GABBR1: variants seen among roughly 807,000 people sequenced by gnomAD.
The protein encoded by GABBR1 is gamma-aminobutyric acid type B receptor subunit 1.
GABBR1 carries 35 observed loss-of-function variants against 117.7 expected under a neutral mutation model. The ratio of observed to expected loss-of-function variants is 0.30; its 90% confidence interval spans 0.23 to 0.39. GABBR1 has a LOEUF of 0.39. Ranked by LOEUF, GABBR1 falls within the 10% of genes least tolerant of loss-of-function variation. GABBR1 has a pLI of 1.00. For synonymous variants in GABBR1, 442 were observed against 486.6 expected, an observed-to-expected ratio of 0.91 and a Z score of 1.21; for missense variants, 709 against 1,241.8, an observed-to-expected ratio of 0.57 and a Z score of 6.45.
rs1322490235 is a variant in GABBR1 at position 29,622,017 on chromosome 6, C to T, written c.1065+87G>A. The T allele has an allele frequency of 1.8e-5, 22 of 1,244,042 alleles. No individual in the cohort carries two copies. The highest frequency in any genetic ancestry group is 2.5e-5 in the Non-Finnish European group (21 of 854,830). 77.1% of individuals were successfully genotyped at this position (1,244,042 alleles called of 1,614,324 possible). A position where few individuals can be genotyped will look rare whatever the true frequency, so the allele number is the denominator to read the frequency against. ...TATTGCCTCAGAGAATCAAAACCTG[C>T]CCCCGCCTGGCTTTCCTCTCCAACC... On this transcript the variant is annotated intron_variant, in intron 9 of 22. Coordinates refer to ENST00000377034, the MANE Select transcript of GABBR1 (RefSeq NM_001470.4). The surrounding 1 kb of genome is among the most constrained non-coding windows in gnomAD (Gnocchi z 4.6).
chr6:29,626,003 T>C (rs1764229573), intron 6 of GABBR1, among the ~76,000 whole-genome samples: 1 of 152,138 alleles, frequency 6.6e-6, no homozygotes, highest in Non-Finnish European at 1.5e-5. Context: ...AGCTCAGGAA[T>C]CCACCAAGAT....
At position 29,613,084 on chromosome 6, in the gene GABBR1, G is replaced by T. The variant is rs2127409661; in HGVS notation, c.1566+159C>A. ...ATTTTTTTTCCTCTAGTCTTTGATG[G>T]GTTCTTCTAATTTGAAGGTCCCTAC... On this transcript the variant is annotated intron_variant, in intron 12 of 22. Transcript: ENST00000377034. This position sits in a 1 kb window ranked among gnomAD's most constrained non-coding sequence, Gnocchi z 4.1. Among the ~76,000 whole-genome samples, 1 of 152,188 alleles carries T rather than the reference G, an allele frequency of 6.6e-6. No individual in the cohort carries two copies. Among genetic ancestry groups the T allele is most frequent in the South Asian group, 2.1e-4 (1 of 4,820 alleles).
chr6:29,621,905 T>C lies in GABBR1; in HGVS notation c.1066-88A>G. On this transcript the variant is annotated intron_variant, in intron 9 of 22. Coordinates refer to ENST00000377034, the MANE Select transcript of GABBR1 (RefSeq NM_001470.4). The surrounding 1 kb of genome is among the most constrained non-coding windows in gnomAD (Gnocchi z 5.0). ...ATGTCTTCACAGCTTTGATTTCCCA[T>C]CCCAAAGTGCTTAGTGCAGGGTAAC... 2 of 1,377,380 alleles carry C rather than the reference T, an allele frequency of 1.5e-6. No individual in the cohort carries two copies. Among genetic ancestry groups the C allele is most frequent in the Non-Finnish European group, 2.1e-6 (2 of 971,000 alleles). The allele number at this position is 1,377,380 out of a possible 1,614,324, so 85.3% of individuals were successfully genotyped here. A position where few individuals can be genotyped will look rare whatever the true frequency, so the allele number is the denominator to read the frequency against.
rs879617184 is a variant in GABBR1 at position 29,623,777 on chromosome 6, T to C, written c.792+113A>G. ...CAGGTCTGCAGAGGACTCTGAATCT[T>C]AGTAGCAGGTCCTCCACACTCCTTT... is the stretch of plus-strand genomic sequence containing the variant. On this transcript the variant is annotated intron_variant, in intron 7 of 22. Transcript: ENST00000377034. This position sits in a 1 kb window ranked among gnomAD's most constrained non-coding sequence, Gnocchi z 6.2. The C allele has an allele frequency of 3.2e-5, 41 of 1,274,810 alleles. No homozygotes were observed. Among genetic ancestry groups the C allele is most frequent in the Non-Finnish European group, 4.4e-5 (40 of 918,410 alleles). The allele number at this position is 1,274,810 out of a possible 1,614,324, so 79.0% of individuals were successfully genotyped here.
In GABBR1 at chr6:29,632,137, A is replaced by G. The variant is rs1049424874; in HGVS notation, c.85+164T>C. Among the ~76,000 whole-genome samples, 1 of 152,054 alleles carries G rather than the reference A, an allele frequency of 6.6e-6. No individual in the cohort carries two copies. The highest frequency in any genetic ancestry group is 1.5e-5 in the Non-Finnish European group (1 of 68,012). The stretch of plus-strand genomic sequence containing the variant: ...AGGTGCTGGATAGTAACGTGGGGTG[A>G]CAGAAGGAGGTCAGCAGTAGTAAAG... On this transcript the variant is annotated intron_variant, in intron 2 of 22. Transcript: ENST00000377034. This position sits in a 1 kb window ranked among gnomAD's most constrained non-coding sequence, Gnocchi z 5.8.
Position 29,627,687 on chromosome 6 carries a change from G to A in GABBR1, c.497-41C>T, listed in dbSNP as rs1764452234. 10 of 1,533,646 alleles carry A rather than the reference G, an allele frequency of 6.5e-6. No homozygotes were observed. Among genetic ancestry groups the A allele is most frequent in the Non-Finnish European group, 8.7e-6 (10 of 1,145,130 alleles). On this transcript the variant is annotated intron_variant, in intron 5 of 22. Coordinates refer to ENST00000377034, the MANE Select transcript of GABBR1 (RefSeq NM_001470.4). The surrounding 1 kb of genome is among the most constrained non-coding windows in gnomAD (Gnocchi z 4.4). ...GGGGGACCCGCGAGTGAGGCCGCGG[G>A]AGATGGGGGGAGTGGGAGGCCCACA...
At chr6:29,624,507 C>T (rs1443321927) in intron 6 of GABBR1, among the ~76,000 whole-genome samples, 1 of 152,096 alleles carries the variant, frequency 6.6e-6, no homozygotes, top group Non-Finnish European at 1.5e-5. Context: ...CCATTTGTTT[C>T]CTCCCTCTTC....
rs1762779706 is a variant in GABBR1, at chr6:29,613,624, T to C, written c.1324-139A>G. 8 of 1,104,966 alleles carry C rather than the reference T, an allele frequency of 7.2e-6. No homozygotes were observed. Among genetic ancestry groups the C allele is most frequent in the African/African-American group, 1.6e-5 (1 of 63,938 alleles). 68.4% of individuals were successfully genotyped at this position (1,104,966 alleles called of 1,614,324 possible). A position where few individuals can be genotyped will look rare whatever the true frequency, so the allele number is the denominator to read the frequency against. On this transcript the variant is annotated intron_variant, in intron 11 of 22. Transcript: ENST00000377034. This position sits in a 1 kb window ranked among gnomAD's most constrained non-coding sequence, Gnocchi z 4.1. ...GTTGTCAGATTGGACACATGTACATTCAAAATCTTTAACTATACCCATGTG... is the reference window on the plus strand; with the variant it reads ...GTTGTCAGATTGGACACATGTACATCCAAAATCTTTAACTATACCCATGTG...
Position 29,606,872 on chromosome 6 carries a change from C to T in GABBR1, c.2217+25G>A. 1 of 1,597,396 alleles carries T rather than the reference C, an allele frequency of 6.3e-7. No homozygotes were observed. The highest frequency in any genetic ancestry group is 8.6e-7 in the Non-Finnish European group (1 of 1,164,984). Reference sequence around the variant, plus strand: ...ACTGAGCCCTGCTCATTCTCCTGACCATAGCACCTCCTCTCCAGTGGTACC... The same window carrying T: ...ACTGAGCCCTGCTCATTCTCCTGACTATAGCACCTCCTCTCCAGTGGTACC... On this transcript the variant is annotated intron_variant, in intron 18 of 22. Transcript: ENST00000377034. The surrounding 1 kb of genome is among the most constrained non-coding windows in gnomAD (Gnocchi z 4.5).
chr6:29,632,325 G>C lies in GABBR1; in HGVS notation c.61C>G (p.Gln21Glu). The change falls in exon 2 of 23, where the codon CAG (glutamine) becomes GAG (glutamate). Residue 21 changes from glutamine to glutamate, a missense_variant. Around this residue, in one of 9 missense-constraint regions of GABBR1, gnomAD observed 43 missense variants for 42.8 expected, o/e 1.00. Transcript: ENST00000377034. This position sits in a 1 kb window ranked among gnomAD's most constrained non-coding sequence, Gnocchi z 5.8. Reference protein sequence around the residue: ...FLRPPGAGGAQTPNATSEGCQ... With the variant: ...FLRPPGAGGAETPNATSEGCQ... ...CCTTCTGAGGTGGCGTTGGGGGTCTGCGCCCCGCCCGCGCCCGGGGGGCGG... is the reference window on the plus strand; with the variant it reads ...CCTTCTGAGGTGGCGTTGGGGGTCTCCGCCCCGCCCGCGCCCGGGGGGCGG... The C allele has an allele frequency of 7.3e-7, 1 of 1,375,320 alleles. No homozygotes were observed. Among genetic ancestry groups the C allele is most frequent in the South Asian group, 1.8e-5 (1 of 55,752 alleles). The allele number at this position is 1,375,320 out of a possible 1,614,324, so 85.2% of individuals were successfully genotyped here. A position where few individuals can be genotyped will look rare whatever the true frequency, so the allele number is the denominator to read the frequency against.
At chr6:29,629,431 C>A (rs575551619) in intron 4 of GABBR1, among the ~76,000 whole-genome samples, 1 of 152,150 alleles carries the variant, frequency 6.6e-6, no homozygotes, top group Non-Finnish European at 1.5e-5. Flanking sequence ...ATTACACATA[C>A]AATTGGCTTT....
In GABBR1 at chr6:29,617,549, C is replaced by A. The variant is rs371270679; in HGVS notation, c.1323+3552G>T. 3.7e-4 allele frequency among the ~76,000 whole-genome samples: 57 copies of A among 152,302 alleles called. No homozygotes were observed. In the South Asian group the frequency reaches 7.0e-3, roughly 19 times the overall value. On this transcript the variant is annotated intron_variant, in intron 11 of 22. Transcript: ENST00000377034. ...ACTCCTGGCCTTGTGATCCACCTGC[C>A]TCAGCCTCCCAAAGTGCTGGGATTA...
rs1009297571 is a variant in GABBR1 at position 29,609,967 on chromosome 6, CA to C, written c.1709-589del. 2.2e-5 allele frequency among the ~76,000 whole-genome samples: 3 copies of C among 137,928 alleles called. No individual in the cohort carries two copies. The highest frequency in any genetic ancestry group is 2.3e-4 in the South Asian group (1 of 4,400). 90.5% of individuals were successfully genotyped at this position (137,928 alleles called of 152,430 possible). A position where few individuals can be genotyped will look rare whatever the true frequency, so the allele number is the denominator to read the frequency against. On this transcript the variant is annotated intron_variant, in intron 14 of 22. Coordinates refer to ENST00000377034, the MANE Select transcript of GABBR1 (RefSeq NM_001470.4). This position sits in a 1 kb window ranked among gnomAD's most constrained non-coding sequence, Gnocchi z 4.3. ...GAAGTTCAAATTTGTCAGAGTTCACCAAAAAAAACTAATTTCAATTTGCTTA... is the reference window on the plus strand; with the variant it reads ...GAAGTTCAAATTTGTCAGAGTTCACCAAAAAAACTAATTTCAATTTGCTTA...
chr6:29,629,146 A>G, intron 4 of GABBR1, 39 bp from the exon 5 acceptor site: 1 of 1,612,236 alleles, frequency 6.2e-7, no homozygotes, highest in Non-Finnish European at 8.5e-7. Flanking sequence ...AAGAGTTACC[A>G]CTGGCGCCCA....
intron 6 of GABBR1, among the ~76,000 whole-genome samples, chr6:29,626,895 A>C (rs1032124190): frequency 6.6e-6 from 1 of 152,064 alleles, no homozygotes; most frequent in African/African-American, 2.4e-5. Flanking sequence ...TCTATCCCAC[A>C]GTCTGGGAAT....
rs963599899 is a variant in GABBR1 at position 29,605,113 on chromosome 6, C to A, written c.2440-125G>T. 106 of 1,012,384 alleles carry A rather than the reference C, an allele frequency of 1.0e-4. No homozygotes were observed. In the African/African-American group the frequency reaches 1.7e-3, roughly 16 times the overall value. 62.7% of individuals were successfully genotyped at this position (1,012,384 alleles called of 1,614,324 possible). A position where few individuals can be genotyped will look rare whatever the true frequency, so the allele number is the denominator to read the frequency against. On this transcript the variant is annotated intron_variant, in intron 20 of 22. Transcript: ENST00000377034. This position sits in a 1 kb window ranked among gnomAD's most constrained non-coding sequence, Gnocchi z 4.2. ...GGTGAACTTTCCCTTTGAAAAGGAT[C>A]CAAATTCAGGATCATCCTCAAATAT...
At chr6:29,615,797 G>A (rs547649439) in intron 11 of GABBR1, among the ~76,000 whole-genome samples, 2 of 152,134 alleles carry the variant, frequency 1.3e-5, no homozygotes, top group South Asian at 2.1e-4. Flanking sequence ...GCCTGGGCAC[G>A]GAGGCTCACA....
At position 29,622,067 on chromosome 6, in the gene GABBR1, C is replaced by T. The variant is rs373031404; in HGVS notation, c.1065+37G>A. On this transcript the variant is annotated intron_variant, in intron 9 of 22. Transcript: ENST00000377034. The surrounding 1 kb of genome is among the most constrained non-coding windows in gnomAD (Gnocchi z 4.6). Reference sequence around the variant, plus strand: ...CAGTCACTGTCCCCCAGCTTGGTCCCTCCGTAAACAGAGCCCACCACTCCC... The same window carrying T: ...CAGTCACTGTCCCCCAGCTTGGTCCTTCCGTAAACAGAGCCCACCACTCCC... 1.6e-5 allele frequency: 25 copies of T among 1,564,134 alleles called. No homozygotes were observed. Among genetic ancestry groups the T allele is most frequent in the Non-Finnish European group, 2.1e-5 (24 of 1,135,476 alleles).
rs1431985532 is a variant in GABBR1 at position 29,613,215 on chromosome 6, G to A, written c.1566+28C>T. ...AGTCTCTCTCAAGATTGGGAAGACA[G>A]GGGAGTATGAAGGAAGTTTTAACTC... On this transcript the variant is annotated intron_variant, in intron 12 of 22. Transcript: ENST00000377034. The surrounding 1 kb of genome is among the most constrained non-coding windows in gnomAD (Gnocchi z 4.1). The A allele has an allele frequency of 6.2e-7, 1 of 1,608,390 alleles. No homozygotes were observed. Among genetic ancestry groups the A allele is most frequent in the Non-Finnish European group, 8.5e-7 (1 of 1,176,094 alleles).
Sources: gnomAD v4.1 joint callset for allele counts (sites outside exome capture counted in the v4.1 genomes callset) on GRCh38, gnomAD v4.1.1 for gene constraint, gnomAD v4.1.1 regional missense constraint, Gnocchi (gnomAD v3.1) non-coding constraint, MANE v1.5 for transcripts, NCBI Gene and HGNC (gene_info 2026-07-23, HGNC 2026-07-21) for gene names.